Variants in RANBP17 observed in about 807,000 individuals in gnomAD.
RANBP17 encodes the protein RAN binding protein 17.
In RANBP17, 158 loss-of-function variants were observed where a neutral mutation model predicts 141.2. The observed-to-expected ratio is 1.12, with a 90% CI of 0.98 to 1.28. The LOEUF is 1.28. RANBP17 is among the 50% of genes most tolerant of loss of function. The pLI is 0.00. For missense variants in RANBP17, 1,438 were observed against 1,290.7 expected, an observed-to-expected ratio of 1.11 and a Z score of -1.75; for synonymous variants, 430 against 450.0, an observed-to-expected ratio of 0.96 and a Z score of 0.56.
chr5:171,104,785 A>G lies in RANBP17; in HGVS notation c.1711-65345A>G, dbSNP rs186355977. On this transcript the variant is annotated intron_variant, in intron 14 of 27. Coordinates refer to ENST00000523189, the MANE Select transcript of RANBP17 (RefSeq NM_022897.5). ...GGTCTAATGTGAGGATAGAGATAAT[A>G]TGCTTAGCTCAATAACTCGCATATA... Among the ~76,000 whole-genome samples the G allele has an allele frequency of 8.5e-5, 13 of 152,328 alleles. 1 individual carries two copies. In the East Asian group the frequency reaches 2.1e-3, roughly 25 times the overall value.
chr5:171,001,827 A>G (rs1307831734), intron 14 of RANBP17, among the ~76,000 whole-genome samples: 3 of 152,078 alleles, frequency 2.0e-5, no homozygotes, highest in African/African-American at 7.2e-5. Context: ...AAAACCGAGG[A>G]ATTACGTCTG....
chr5:171,076,453 A>G lies in RANBP17; in HGVS notation c.1711-93677A>G, dbSNP rs115321141. 9.2e-3 allele frequency among the ~76,000 whole-genome samples: 1,404 copies of G among 152,348 alleles called. 17 individuals are homozygous for G. The highest frequency in any genetic ancestry group is 0.031 in the African/African-American group (1,299 of 41,576). On this transcript the variant is annotated intron_variant, in intron 14 of 27. Transcript: ENST00000523189. ...CTAGCTCCATCCACTGAATAGGCCT[A>G]GAAATAAGAACCACTTCAGCAATAA...
chr5:170,929,237 C>T (rs907688513), intron 12 of RANBP17, among the ~76,000 whole-genome samples: 6 of 151,826 alleles, frequency 4.0e-5, no homozygotes, highest in African/African-American at 1.5e-4. Context: ...TTTTTCTTGC[C>T]TTATTCTACT....
chr5:171,080,179 A>T (rs1352727132), intron 14 of RANBP17, among the ~76,000 whole-genome samples: 3 of 151,974 alleles, frequency 2.0e-5, no homozygotes, highest in African/African-American at 7.3e-5. Flanking sequence ...AACTTGTAGA[A>T]CCAAATGATT....
At chr5:171,089,472 T>C (rs1786024265) in intron 14 of RANBP17, among the ~76,000 whole-genome samples, 1 of 152,032 alleles carries the variant, frequency 6.6e-6, no homozygotes, top group South Asian at 2.1e-4. Context: ...CTCCTTGAGC[T>C]GTGGTGGGCT....
chr5:171,125,792 A>ATT (rs1214235593), intron 14 of RANBP17, among the ~76,000 whole-genome samples: 15 of 145,416 alleles, frequency 1.0e-4, no homozygotes, highest in Admixed American at 1.4e-4. Context: ...ATCTCAGTAA[A>ATT]TTTTTTTTTT....
intron 14 of RANBP17, among the ~76,000 whole-genome samples, chr5:170,987,556 TTCTC>T (rs1778229520): frequency 6.6e-6 from 1 of 151,656 alleles, no homozygotes; most frequent in African/African-American, 2.4e-5. Context: ...AAAAAATAAT[TTCTC>T]TATACCGCTT....
rs561928319 is a variant in RANBP17 at position 170,892,890 on chromosome 5, G to A, written c.423+337G>A. Among the ~76,000 whole-genome samples the A allele has an allele frequency of 1.1e-3, 163 of 152,240 alleles. 1 individual carries two copies. The highest frequency in any genetic ancestry group is 3.7e-3 in the African/African-American group (155 of 41,556). ...TTAAATGTTCATCACAACCTAAAAT[G>A]AAATAGATTTTATTTTGTAAACAAG... On this transcript the variant is annotated intron_variant, in intron 4 of 27. Transcript: ENST00000523189.
At chr5:171,215,490 CA>C (rs1763159081) in intron 21 of RANBP17, among the ~76,000 whole-genome samples, 2 of 152,200 alleles carry the variant, frequency 1.3e-5, no homozygotes, top group Non-Finnish European at 2.9e-5. Flanking sequence ...CTGTCTTCCA[CA>C]ATGGTTGAAC....
chr5:171,094,265 G>A (rs1786516637), intron 14 of RANBP17, among the ~76,000 whole-genome samples: 2 of 152,228 alleles, frequency 1.3e-5, no homozygotes, highest in South Asian at 4.2e-4. Context: ...TTAATTGTGT[G>A]TGTTGCATGA....
At chr5:170,891,395 G>A (rs1769581487) in intron 3 of RANBP17, among the ~76,000 whole-genome samples, 1 of 152,192 alleles carries the variant, frequency 6.6e-6, no homozygotes, top group Admixed American at 6.5e-5. Context: ...AGTATGGAAA[G>A]ATATAATACC....
At chr5:171,157,097 G>T (rs975225706) in intron 14 of RANBP17, among the ~76,000 whole-genome samples, 1 of 152,190 alleles carries the variant, frequency 6.6e-6, no homozygotes. Context: ...TAAGCTAACT[G>T]TCTGTCAGTA....
intron 3 of RANBP17, among the ~76,000 whole-genome samples, chr5:170,887,233 G>T (rs4867638): frequency 0.6 from 91,406 of 151,980 alleles, 29,182 homozygotes; most frequent in South Asian, 0.88. Flanking sequence ...CCGATCTGTG[G>T]CTTATCTTTT....
chr5:170,922,642 C>T (rs1157712093), intron 11 of RANBP17, among the ~76,000 whole-genome samples: 1 of 152,190 alleles, frequency 6.6e-6, no homozygotes, highest in African/African-American at 2.4e-5. Context: ...AGGAGGGTAT[C>T]TCCTGGTCTG....
At chr5:171,108,935 A>G (rs1055907695) in intron 14 of RANBP17, among the ~76,000 whole-genome samples, 18 of 152,160 alleles carry the variant, frequency 1.2e-4, no homozygotes, top group African/African-American at 4.1e-4. Context: ...CAATATACCA[A>G]TGGACAGAAT....
chr5:171,038,786 C>A (rs1782050825), intron 14 of RANBP17, among the ~76,000 whole-genome samples: 1 of 151,960 alleles, frequency 6.6e-6, no homozygotes, highest in African/African-American at 2.4e-5. Context: ...TATGTTGAAC[C>A]AACTTTGCTT....
At chr5:170,946,335 A>AT (rs1231161381) in intron 12 of RANBP17, among the ~76,000 whole-genome samples, 1 of 152,134 alleles carries the variant, frequency 6.6e-6, no homozygotes, top group Non-Finnish European at 1.5e-5. Context: ...ACAATAGGAG[A>AT]TTTTAAAAAG....
At chr5:170,934,162 T>TA (rs1328810711) in intron 12 of RANBP17, among the ~76,000 whole-genome samples, 1 of 152,212 alleles carries the variant, frequency 6.6e-6, no homozygotes, top group Non-Finnish European at 1.5e-5. Flanking sequence ...CCTTTACCAT[T>TA]ACGTAATGCC....
intron 14 of RANBP17, among the ~76,000 whole-genome samples, chr5:171,102,609 T>C (rs1465279697): frequency 6.6e-6 from 1 of 152,110 alleles, no homozygotes; most frequent in East Asian, 1.9e-4. Flanking sequence ...TTCGTCAAAC[T>C]AATTCTCTGT....
Sources: gnomAD v4.1 joint callset for allele counts (sites outside exome capture counted in the v4.1 genomes callset) on GRCh38, gnomAD v4.1.1 for gene constraint, MANE v1.5 for transcripts, NCBI Gene and HGNC (gene_info 2026-07-23, HGNC 2026-07-21) for gene names.